The following ALKBH5 variants were observed in gnomAD, a reference collection of about 807,000 sequenced individuals.
ALKBH5 encodes the protein alkB homolog 5, RNA demethylase.
ALKBH5 carries 2 observed loss-of-function variants against 32.1 expected under a neutral mutation model. The ratio of observed to expected loss-of-function variants is 0.06; its 90% confidence interval spans 0.03 to 0.20. ALKBH5 has a LOEUF of 0.20. Ranked by LOEUF, ALKBH5 falls within the 10% of genes least tolerant of loss-of-function variation. The pLI, the probability that ALKBH5 is intolerant of heterozygous loss-of-function variation, is 1.00. For synonymous variants in ALKBH5, 300 were observed against 231.7 expected, an observed-to-expected ratio of 1.29 and a Z score of -2.68; for missense variants, 352 against 559.5, an observed-to-expected ratio of 0.63 and a Z score of 3.74.
At chr17:18,185,601 T>G (rs1282726144) in intron 1 of ALKBH5, among the ~76,000 whole-genome samples, 1 of 152,196 alleles carries the variant, frequency 6.6e-6, no homozygotes, top group Non-Finnish European at 1.5e-5. Flanking sequence ...TTAAAATTCT[T>G]CCCTCCTGGC....
chr17:18,188,135 T>G (rs1184891826), intron 1 of ALKBH5, among the ~76,000 whole-genome samples: 3 of 152,226 alleles, frequency 2.0e-5, no homozygotes, highest in Admixed American at 2.0e-4. Context: ...AAGGCTGTAC[T>G]TTAGGGAAAT....
At chr17:18,198,943 C>G (rs1450159381) in intron 2 of ALKBH5, among the ~76,000 whole-genome samples, 2 of 152,174 alleles carry the variant, frequency 1.3e-5, no homozygotes, top group Non-Finnish European at 2.9e-5. Flanking sequence ...TGAGTGACAC[C>G]TGGAACCTGG....
Position 18,195,091 on chromosome 17 carries a change from A to G in ALKBH5, c.851+56A>G, listed in dbSNP as rs2047197656. 1.3e-5 allele frequency: 20 copies of G among 1,493,930 alleles called. 1 individual carries two copies. The highest frequency in any genetic ancestry group is 2.3e-4 in the Middle Eastern group (1 of 4,424). 92.5% of individuals were successfully genotyped at this position (1,493,930 alleles called of 1,614,324 possible). On this transcript the variant is annotated intron_variant, in intron 2 of 3. Transcript: ENST00000399138. ...CACCTGCAGGCCTGTCTGGAGATGT[A>G]GCTCTGGGTCCACTTAGAACTCAGC...
intron 1 of ALKBH5, among the ~76,000 whole-genome samples, chr17:18,192,260 G>C (rs886162891): frequency 6.6e-6 from 1 of 152,170 alleles, no homozygotes; most frequent in Non-Finnish European, 1.5e-5. Flanking sequence ...TAGGGTGTCA[G>C]GCACCCTGCA....
In ALKBH5 at chr17:18,209,848, A is replaced by T. The variant is rs1373892739; in HGVS notation, c.*1452A>T. ...GCATAATTAAAGCAGTTGCAGTTTT[A>T]TTTTTTTTACAGCTTTTTTCCCAAA... On this transcript the variant is annotated 3_prime_UTR_variant, in exon 4 of 4. Transcript: ENST00000399138. 6.6e-6 allele frequency: 1 copy of T among 152,442 alleles called. No homozygotes were observed. The highest frequency in any genetic ancestry group is 2.4e-5 in the African/African-American group (1 of 41,400). The allele number at this position is 152,442 out of a possible 1,614,324, so 9.4% of individuals were successfully genotyped here.
At chr17:18,191,201 G>A (rs1354356551) in intron 1 of ALKBH5, among the ~76,000 whole-genome samples, 1 of 152,216 alleles carries the variant, frequency 6.6e-6, no homozygotes, top group Non-Finnish European at 1.5e-5. Flanking sequence ...TCGACATTTT[G>A]TGAGATTGGC....
chr17:18,185,064 C>G (rs1359914878), intron 1 of ALKBH5, 51 bp downstream of exon 1: 6 of 1,566,440 alleles, frequency 3.8e-6, no homozygotes, highest in Middle Eastern at 1.7e-4. Flanking sequence ...CCTTAGCTAC[C>G]CACCCTGGCC....
intron 2 of ALKBH5, among the ~76,000 whole-genome samples, 192 bp downstream of exon 2, chr17:18,195,227 C>T (rs756716785): frequency 3.9e-5 from 6 of 152,164 alleles, no homozygotes; most frequent in Non-Finnish European, 7.3e-5. Flanking sequence ...AAATTAAGTA[C>T]TCTATTTAGG....
chr17:18,198,138 G>A (rs1204058233), intron 2 of ALKBH5, among the ~76,000 whole-genome samples: 2 of 152,142 alleles, frequency 1.3e-5, no homozygotes, highest in African/African-American at 4.8e-5. Context: ...TGACCATTTT[G>A]ACATGCAGAA....
At chr17:18,207,689 G>A (rs981617604) in intron 3 of ALKBH5, among the ~76,000 whole-genome samples, 4 of 152,052 alleles carry the variant, frequency 2.6e-5, no homozygotes, top group African/African-American at 9.7e-5. Flanking sequence ...TTTTTTAAGT[G>A]TTGGGGAAGG....
chr17:18,206,919 C>T lies in ALKBH5; in HGVS notation c.956C>T (p.Ala319Val). 1 of 1,614,252 alleles carries T rather than the reference C, an allele frequency of 6.2e-7. No homozygotes were observed. Among genetic ancestry groups the T allele is most frequent in the South Asian group, 1.1e-5 (1 of 91,086 alleles). Residue 319 changes from alanine (A) to valine (V), a missense_variant, in exon 3 of 4, where the codon GCT becomes GTT. Ala to Val is a moderately conservative substitution (Grantham distance 64). This residue lies in a region of ALKBH5 where 124 missense variants were observed against 142.4 expected (regional missense o/e 0.87). Transcript: ENST00000399138. ...DRLSGNNRDP[A>V]LKPKRSHRKA... The stretch of plus-strand genomic sequence containing the variant: ...CTGTCAGGAAACAACAGGGACCCTG[C>T]TCTGAAACCCAAGCGGTCCCACCGC...
At chr17:18,188,088 T>C (rs1420529187) in intron 1 of ALKBH5, among the ~76,000 whole-genome samples, 1 of 152,256 alleles carries the variant, frequency 6.6e-6, no homozygotes, top group African/African-American at 2.4e-5. Flanking sequence ...TTGTTTTTTG[T>C]AACCTTCCCA....
At chr17:18,206,244 T>A (rs2047268285) in intron 2 of ALKBH5, among the ~76,000 whole-genome samples, 1 of 152,172 alleles carries the variant, frequency 6.6e-6, no homozygotes, top group South Asian at 2.1e-4. Context: ...CTTGTCAGCA[T>A]CCTGAAATGA....
At chr17:18,196,153 T>C (rs940759150) in intron 2 of ALKBH5, among the ~76,000 whole-genome samples, 2 of 152,076 alleles carry the variant, frequency 1.3e-5, no homozygotes, top group African/African-American at 4.8e-5. Flanking sequence ...AGTTGACATA[T>C]CAACTCAGAC....
At chr17:18,198,882 C>T (rs1225606313) in intron 2 of ALKBH5, among the ~76,000 whole-genome samples, 1 of 152,184 alleles carries the variant, frequency 6.6e-6, no homozygotes. Flanking sequence ...AATCCTCAGA[C>T]TGTCCCTTGG....
In ALKBH5 at chr17:18,202,664, C is replaced by T. The variant is rs558570347; in HGVS notation, c.852-4151C>T. Among the ~76,000 whole-genome samples the T allele has an allele frequency of 1.8e-4, 27 of 152,172 alleles. No homozygotes were observed. The South Asian group carries it at 4.8e-3, about 27-fold the overall frequency. On this transcript the variant is annotated intron_variant, in intron 2 of 3. Transcript: ENST00000399138. ...GGGACTGCCCTCGCTCCAGAGTCAT[C>T]GTGGCCTGAGTGCGGTCTGGTTTAC...
chr17:18,190,394 A>G (rs2047166286), intron 1 of ALKBH5, among the ~76,000 whole-genome samples: 1 of 152,132 alleles, frequency 6.6e-6, no homozygotes, highest in African/African-American at 2.4e-5. Flanking sequence ...TACTAAAAAT[A>G]CAAAAATTAG....
chr17:18,201,762 GATA>G (rs1260630007), intron 2 of ALKBH5, among the ~76,000 whole-genome samples: 9 of 134,860 alleles, frequency 6.7e-5, no homozygotes, highest in African/African-American at 2.2e-4. Context: ...TAGATAGATA[GATA>G]GATAGATAGA....
rs950444754 is a variant in ALKBH5 at position 18,186,334 on chromosome 17, C to A, written c.770+1321C>A. ...CCTAGATGGATGTCTTGGCAAAATG[C>A]TTTAAGATGGGATTTCCAGGACACA... is the stretch of plus-strand genomic sequence containing the variant. On this transcript the variant is annotated intron_variant, in intron 1 of 3. Transcript: ENST00000399138. 6.6e-5 allele frequency among the ~76,000 whole-genome samples: 10 copies of A among 152,172 alleles called. 1 individual carries two copies. The highest frequency in any genetic ancestry group is 5.2e-4 in the Admixed American group (8 of 15,272).
Sources: allele counts gnomAD v4.1 joint callset (sites outside exome capture counted in the v4.1 genomes callset), GRCh38; gene constraint gnomAD v4.1.1; regional missense constraint gnomAD v4.1.1; transcripts MANE v1.5; gene names NCBI Gene and HGNC (gene_info 2026-07-23, HGNC 2026-07-21).